CA10: variants seen among roughly 807,000 people sequenced by gnomAD.
CA10 encodes carbonic anhydrase 10 (inactive).
CA10 carries 14 observed loss-of-function variants against 44.2 expected under a neutral mutation model. The observed-to-expected ratio is 0.32, with a 90% CI of 0.21 to 0.50. CA10 has a LOEUF of 0.50. Ranked by LOEUF, CA10 falls within the 20% of genes least tolerant of loss-of-function variation. CA10 has a pLI of 0.99. For missense variants in CA10, 350 were observed against 409.7 expected, an observed-to-expected ratio of 0.85 and a Z score of 1.26; for synonymous variants, 159 against 141.6, an observed-to-expected ratio of 1.12 and a Z score of -0.87.
At chr17:52,078,146 T>C (rs1567725536) in intron 1 of CA10, among the ~76,000 whole-genome samples, 2 of 152,172 alleles carry the variant, frequency 1.3e-5, no homozygotes, top group Non-Finnish European at 2.9e-5. Flanking sequence ...TTTAACTAAC[T>C]TAGGTTCAGA....
intron 3 of CA10, among the ~76,000 whole-genome samples, chr17:51,856,388 C>CAACAACA (rs1979045772): frequency 6.6e-6 from 1 of 151,936 alleles, no homozygotes; most frequent in Non-Finnish European, 1.5e-5. Context: ...ACAACAACAA[C>CAACAACA]AACAACTCCC....
chr17:52,070,269 C>T (rs1041315232), intron 2 of CA10, among the ~76,000 whole-genome samples: 20 of 152,164 alleles, frequency 1.3e-4, no homozygotes, highest in African/African-American at 4.6e-4. Context: ...TCAAGCATCC[C>T]CCATGTTTCA....
intron 1 of CA10, among the ~76,000 whole-genome samples, chr17:52,080,038 G>A (rs1010357969): frequency 6.6e-5 from 10 of 152,188 alleles, no homozygotes; most frequent in African/African-American, 1.2e-4. Context: ...ATCACCTTGC[G>A]TGTTGGACCA....
chr17:52,016,699 G>T (rs1156535022), intron 2 of CA10, among the ~76,000 whole-genome samples: 3 of 152,042 alleles, frequency 2.0e-5, no homozygotes, highest in Non-Finnish European at 4.4e-5. Flanking sequence ...GATCACTTTA[G>T]GTCAGAGGTT....
chr17:51,759,820 C>A (rs1364978627), intron 3 of CA10, among the ~76,000 whole-genome samples: 1 of 152,072 alleles, frequency 6.6e-6, no homozygotes, highest in Non-Finnish European at 1.5e-5. Flanking sequence ...ATCCTTTCTC[C>A]ATCCTCCCTT....
intron 4 of CA10, among the ~76,000 whole-genome samples, chr17:51,729,732 T>C (rs1412898626): frequency 1.3e-5 from 2 of 152,222 alleles, no homozygotes; most frequent in East Asian, 1.9e-4. Flanking sequence ...GCATGAGTTA[T>C]ATGATATCAT....
intron 3 of CA10, among the ~76,000 whole-genome samples, chr17:51,881,547 C>A (rs1231354184): frequency 6.6e-6 from 1 of 151,732 alleles, no homozygotes; most frequent in Non-Finnish European, 1.5e-5. Flanking sequence ...GGTTAATATT[C>A]ATAAAGTATA....
At chr17:51,710,049 T>C (rs1426788823) in intron 4 of CA10, among the ~76,000 whole-genome samples, 1 of 152,210 alleles carries the variant, frequency 6.6e-6, no homozygotes, top group Non-Finnish European at 1.5e-5. Flanking sequence ...TTCCAAATTG[T>C]GTTAAAACTG....
intron 4 of CA10, among the ~76,000 whole-genome samples, chr17:51,691,844 GTTC>G (rs778781583): frequency 1.1e-4 from 17 of 150,814 alleles, no homozygotes; most frequent in Middle Eastern, 3.2e-3. Flanking sequence ...CCCAGTGTGT[GTTC>G]TTGACACCTT....
intron 6 of CA10, among the ~76,000 whole-genome samples, chr17:51,648,129 C>G (rs1217203813): frequency 6.6e-6 from 1 of 152,164 alleles, no homozygotes; most frequent in Non-Finnish European, 1.5e-5. Flanking sequence ...GTGAAGCATT[C>G]TCCATACTCT....
intron 3 of CA10, among the ~76,000 whole-genome samples, chr17:51,828,263 C>T (rs1017799966): frequency 1.3e-5 from 2 of 152,162 alleles, no homozygotes; most frequent in Non-Finnish European, 1.5e-5. Flanking sequence ...CAGCCTTGGC[C>T]TCTTCAAACT....
intron 2 of CA10, among the ~76,000 whole-genome samples, chr17:52,035,132 G>A (rs376469725): frequency 5.3e-5 from 8 of 152,076 alleles, no homozygotes; most frequent in African/African-American, 1.9e-4. Context: ...AAATTCTATC[G>A]CTGTTTTTCC....
chr17:51,865,467 G>T (rs1396020503), intron 3 of CA10, among the ~76,000 whole-genome samples: 1 of 152,184 alleles, frequency 6.6e-6, no homozygotes, highest in African/African-American at 2.4e-5. Flanking sequence ...TGAAAAAGTT[G>T]AAAAGACATT....
chr17:52,001,408 G>A (rs1434699996), intron 2 of CA10, among the ~76,000 whole-genome samples: 1 of 152,000 alleles, frequency 6.6e-6, no homozygotes, highest in Non-Finnish European at 1.5e-5. Flanking sequence ...GCTCAACTTA[G>A]AGATCTTGGA....
chr17:51,962,327 C>T (rs537614434), intron 2 of CA10, among the ~76,000 whole-genome samples: 35 of 152,320 alleles, frequency 2.3e-4, no homozygotes, highest in African/African-American at 7.9e-4. Flanking sequence ...GGCTTGGTGG[C>T]CCTTCACTCA....
intron 1 of CA10, among the ~76,000 whole-genome samples, chr17:52,079,472 A>G (rs921074961): frequency 6.7e-6 from 1 of 149,862 alleles, no homozygotes; most frequent in African/African-American, 2.5e-5. Context: ...AAAAAAAAAA[A>G]TTCCATTATT....
intron 1 of CA10, among the ~76,000 whole-genome samples, chr17:52,109,834 A>G (rs768810451): frequency 1.3e-5 from 2 of 152,198 alleles, no homozygotes; most frequent in Non-Finnish European, 1.5e-5. Flanking sequence ...AGTCAATTTC[A>G]GAGAAGGCAA....
intron 2 of CA10, among the ~76,000 whole-genome samples, chr17:52,021,211 C>T (rs758696682): frequency 6.6e-6 from 1 of 151,968 alleles, no homozygotes; most frequent in Non-Finnish European, 1.5e-5. Context: ...CTACACCAAT[C>T]ATGGGCATTG....
At chr17:51,784,620 TTAATA>T (rs2079179890) in intron 3 of CA10, among the ~76,000 whole-genome samples, 2 of 152,226 alleles carry the variant, frequency 1.3e-5, no homozygotes, top group African/African-American at 2.4e-5. Context: ...TATTTGTCTT[TTAATA>T]TAATTTTTTA....
Sources: allele counts gnomAD v4.1 joint callset (sites outside exome capture counted in the v4.1 genomes callset), GRCh38; gene constraint gnomAD v4.1.1; transcripts MANE v1.5; gene names NCBI Gene and HGNC (gene_info 2026-07-23, HGNC 2026-07-21).